Variants in SHC3 observed in about 807,000 individuals in gnomAD.
SHC3 encodes the protein SHC-transforming protein 3.
SHC3 carries 15 observed loss-of-function variants against 60.4 expected under a neutral mutation model. The observed-to-expected ratio is 0.25, with a 90% CI of 0.17 to 0.38. The LOEUF is 0.38. Among genes scored for constraint, SHC3 ranks in the 10% least tolerant of loss-of-function variants. The pLI, the probability that SHC3 is intolerant of heterozygous loss-of-function variation, is 1.00. For missense variants in SHC3, 677 were observed against 786.1 expected (o/e 0.86, Z 1.66); for synonymous variants, 294 against 325.9 (o/e 0.90, Z 1.05).
intron 1 of SHC3, among the ~76,000 whole-genome samples, chr9:89,156,701 T>C (rs1826628724): frequency 6.6e-6 from 1 of 152,190 alleles, no homozygotes; most frequent in Non-Finnish European, 1.5e-5. Flanking sequence ...ATGGAGCCAC[T>C]GGCACACAGA....
chr9:89,145,354 A>G (rs1206276837), intron 1 of SHC3, among the ~76,000 whole-genome samples: 1 of 152,204 alleles, frequency 6.6e-6, no homozygotes, highest in Non-Finnish European at 1.5e-5. Flanking sequence ...TGCTTCCTGA[A>G]CCAATTATTT....
chr9:89,101,655 A>AC (rs1825785029), intron 2 of SHC3, among the ~76,000 whole-genome samples: 1 of 151,100 alleles, frequency 6.6e-6, no homozygotes, highest in African/African-American at 2.4e-5. Flanking sequence ...AATTACACTG[A>AC]TTTTTTTTAA....
intron 6 of SHC3, 122 bp from the exon 7 acceptor site, chr9:89,052,285 C>T: frequency 8.3e-7 from 1 of 1,205,334 alleles, no homozygotes. Context: ...CATAATATGT[C>T]CTAGCAGATC....
intron 2 of SHC3, chr9:89,109,805 G>C: frequency 1.0e-6 from 1 of 985,426 alleles, no homozygotes. Context: ...AAGCCATGCT[G>C]AATGCTTAAC....
chr9:89,163,510 C>T (rs1432149887), intron 1 of SHC3, among the ~76,000 whole-genome samples: 2 of 142,240 alleles, frequency 1.4e-5, no homozygotes, highest in Non-Finnish European at 3.0e-5. Flanking sequence ...AACCAAACAC[C>T]GCATATTCTC....
rs151245948 is a variant in SHC3, at chr9:89,160,418, T to C, written c.474+17569A>G. Among the ~76,000 whole-genome samples, 459 of 152,224 alleles carry C rather than the reference T, an allele frequency of 3.0e-3. 3 individuals carry two copies. Among genetic ancestry groups the C allele is most frequent in the African/African-American group, 9.6e-3 (399 of 41,540 alleles). ...ACATAATTAACACCTTTTTAGAACA[T>C]AGATTTTTTTTCCCCGTTCAACTGA... On this transcript the variant is annotated intron_variant, in intron 1 of 11. Transcript: ENST00000375835.
chr9:89,176,309 T>C (rs1217086877), intron 1 of SHC3, among the ~76,000 whole-genome samples: 1 of 152,254 alleles, frequency 6.6e-6, no homozygotes, highest in Non-Finnish European at 1.5e-5. Context: ...TTCATCATTA[T>C]TTTGCCACAT....
chr9:89,020,848 G>A (rs1826189215), intron 11 of SHC3, among the ~76,000 whole-genome samples: 1 of 152,170 alleles, frequency 6.6e-6, no homozygotes, highest in East Asian at 1.9e-4. Flanking sequence ...TGTGTGTCTG[G>A]GTGGAGCTCT....
chr9:89,111,235 A>G (rs1291204714), intron 2 of SHC3, among the ~76,000 whole-genome samples: 4 of 152,328 alleles, frequency 2.6e-5, no homozygotes, highest in Non-Finnish European at 5.9e-5. Context: ...GGAATGGTTG[A>G]CAGTTCTCTC....
At chr9:89,134,238 G>A (rs1826289596) in intron 1 of SHC3, among the ~76,000 whole-genome samples, 1 of 152,072 alleles carries the variant, frequency 6.6e-6, no homozygotes, top group South Asian at 2.1e-4. Flanking sequence ...TGGATTTCTT[G>A]CCTGTGTTTA....
chr9:89,160,844 G>A (rs1826693805), intron 1 of SHC3, among the ~76,000 whole-genome samples: 1 of 152,204 alleles, frequency 6.6e-6, no homozygotes, highest in Admixed American at 6.5e-5. Context: ...TGGGTGGGCT[G>A]TGGCATACAT....
chr9:89,177,905 C>T, intron 1 of SHC3, 82 bp downstream of exon 1: 1 of 1,142,168 alleles, frequency 8.8e-7, no homozygotes, highest in Non-Finnish European at 1.1e-6. Flanking sequence ...GCCCCGCACC[C>T]CGGGCTTCAG....
intron 1 of SHC3, among the ~76,000 whole-genome samples, chr9:89,157,652 G>C (rs1826642720): frequency 6.6e-6 from 1 of 151,738 alleles, no homozygotes; most frequent in South Asian, 2.1e-4. Flanking sequence ...ATCTCTCTCT[G>C]TTGCCCAGGA....
rs1023213105 is a variant in SHC3 at position 89,085,373 on chromosome 9, T to A, written c.546-7470A>T. Among the ~76,000 whole-genome samples the A allele has an allele frequency of 3.9e-5, 6 of 152,326 alleles. No individual in the cohort carries two copies. The East Asian group carries it at 1.2e-3, about 29-fold the overall frequency. On this transcript the variant is annotated intron_variant, in intron 2 of 11. Coordinates refer to ENST00000375835, the MANE Select transcript of SHC3 (RefSeq NM_016848.6). ...AAAATGGCAGCTAAATCATTTCAGGTGCCTTCCTCAGCCAAGGCAGTCAGA... is the reference window on the plus strand; with the variant it reads ...AAAATGGCAGCTAAATCATTTCAGGAGCCTTCCTCAGCCAAGGCAGTCAGA...
chr9:89,127,782 C>A (rs1016326871), intron 1 of SHC3, among the ~76,000 whole-genome samples: 6 of 151,894 alleles, frequency 4.0e-5, no homozygotes, highest in Admixed American at 6.6e-5. Flanking sequence ...CCACTCCACC[C>A]CCCCCCACCA....
At chr9:89,113,269 A>G (rs1372040429) in intron 1 of SHC3, among the ~76,000 whole-genome samples, 6 of 152,200 alleles carry the variant, frequency 3.9e-5, no homozygotes, top group Non-Finnish European at 8.8e-5. Context: ...GAAAATGTAT[A>G]TGTGTAAGTA....
intron 11 of SHC3, among the ~76,000 whole-genome samples, chr9:89,036,157 G>C (rs1824575220): frequency 6.6e-6 from 1 of 151,904 alleles, no homozygotes; most frequent in Non-Finnish European, 1.5e-5. Context: ...AAAAGCAAGA[G>C]AATACATGTG....
intron 4 of SHC3, among the ~76,000 whole-genome samples, chr9:89,073,592 C>T (rs1304831804): frequency 6.6e-6 from 1 of 152,190 alleles, no homozygotes; most frequent in African/African-American, 2.4e-5. Context: ...CTACCAGTCC[C>T]CTGGGTGTCC....
intron 1 of SHC3, among the ~76,000 whole-genome samples, chr9:89,134,506 C>A (rs1416239033): frequency 2.0e-5 from 3 of 152,030 alleles, no homozygotes; most frequent in African/African-American, 7.2e-5. Context: ...AAGAATCTTG[C>A]CTTACAGTTG....
Sources: gnomAD v4.1 joint callset for allele counts (sites outside exome capture counted in the v4.1 genomes callset) on GRCh38, gnomAD v4.1.1 for gene constraint, MANE v1.5 for transcripts, NCBI Gene and HGNC (gene_info 2026-07-23, HGNC 2026-07-21) for gene names.